MYO9A: variants seen among roughly 807,000 people sequenced by gnomAD.
The protein encoded by MYO9A is unconventional myosin-IXa.
A neutral mutation model predicts 293.3 loss-of-function variants in MYO9A; 103 were observed. The ratio of observed to expected loss-of-function variants is 0.35; its 90% CI spans 0.30 to 0.41. The LOEUF (loss-of-function observed/expected upper bound fraction) is 0.41, where lower values mean the gene tolerates loss of function less well. MYO9A is among the 10% of genes least tolerant of loss of function. The pLI is 1.00. For missense variants in MYO9A, 2,685 were observed against 3,033.0 expected, an observed-to-expected ratio of 0.89 and a Z score of 2.69; for synonymous variants, 1,001 against 1,035.7, an observed-to-expected ratio of 0.97 and a Z score of 0.64.
intron 27 of MYO9A, among the ~76,000 whole-genome samples, chr15:71,886,210 AAAAAG>A (rs933001077): frequency 4.6e-5 from 7 of 151,164 alleles, no homozygotes; most frequent in Non-Finnish European, 7.4e-5. Context: ...AAAAAAAAAA[AAAAAG>A]AAAGAGGCTG....
chr15:71,826,807 G>T lies in MYO9A; in HGVS notation c.7420C>A (p.Pro2474Thr), dbSNP rs1387246525. The change falls in exon 42 of 42, where the codon CCA becomes ACA. Residue 2474 changes from proline (P) to threonine (T), a missense_variant. By Grantham distance (38) the Pro-to-Thr change is conservative (BLOSUM62 -1). Around this residue, in one of 10 missense-constraint regions of MYO9A, gnomAD observed 350 missense variants for 328.9 expected, o/e 1.06. Transcript: ENST00000356056. The stretch of plus-strand genomic sequence containing the variant: ...TCCAGGAATTTGGTCTGGCCCAATG[G>T]TCCTTCCATTCCCAGGGCCTCATTA... ...SGNEALGMEG[P>T]LGQTKFLEDK... 1.2e-6 allele frequency: 2 copies of T among 1,614,120 alleles called. No homozygotes were observed. Among genetic ancestry groups the T allele is most frequent in the South Asian group, 1.1e-5 (1 of 91,080 alleles).
At chr15:71,923,340 T>G (rs2058206884) in intron 18 of MYO9A, among the ~76,000 whole-genome samples, 1 of 152,204 alleles carries the variant, frequency 6.6e-6, no homozygotes, top group African/African-American at 2.4e-5. Flanking sequence ...TTTTCTTTTT[T>G]GTTGTGTTCT....
At chr15:71,849,939 A>G in intron 38 of MYO9A, 97 bp downstream of exon 38, 1 of 1,378,818 alleles carries the variant, frequency 7.3e-7, no homozygotes, top group South Asian at 1.3e-5. Context: ...AAACACCTGA[A>G]TTTATGAACC....
intron 1 of MYO9A, among the ~76,000 whole-genome samples, chr15:72,067,993 C>T (rs1326998653): frequency 1.3e-5 from 2 of 152,090 alleles, no homozygotes; most frequent in African/African-American, 4.8e-5. Context: ...AACTAAAAAC[C>T]TTAGAATTCT....
chr15:72,042,883 T>C (rs1365999916), intron 2 of MYO9A, among the ~76,000 whole-genome samples: 5 of 151,644 alleles, frequency 3.3e-5, no homozygotes, highest in African/African-American at 7.3e-5. Context: ...CTAGGCAACA[T>C]AGTGAGACCT....
chr15:72,106,060 A>G (rs1251314239), intron 1 of MYO9A, among the ~76,000 whole-genome samples: 2 of 152,248 alleles, frequency 1.3e-5, no homozygotes, highest in East Asian at 3.8e-4. Flanking sequence ...TACCTTTAGC[A>G]TATGAAAAGA....
chr15:71,960,275 G>C (rs1040803636), intron 13 of MYO9A, 179 bp from the exon 14 acceptor site: 8 of 599,826 alleles, frequency 1.3e-5, no homozygotes, highest in Non-Finnish European at 2.4e-5. Flanking sequence ...GATCCCTCAT[G>C]AATGGATTGG....
chr15:71,872,792 A>G (rs2056556723), intron 32 of MYO9A, among the ~76,000 whole-genome samples: 1 of 152,192 alleles, frequency 6.6e-6, no homozygotes, highest in Admixed American at 6.5e-5. Context: ...GTGAGTACAG[A>G]TATTAAAATT....
chr15:71,879,870 TC>T, intron 29 of MYO9A, 33 bp from the exon 30 acceptor site: 2 of 1,379,770 alleles, frequency 1.4e-6, no homozygotes, highest in Non-Finnish European at 2.1e-6. Context: ...TAGTACACAA[TC>T]AACTAATTGA....
intron 2 of MYO9A, among the ~76,000 whole-genome samples, chr15:72,042,283 G>C (rs1343056658): frequency 6.7e-6 from 1 of 149,984 alleles, no homozygotes; most frequent in Non-Finnish European, 1.5e-5. Context: ...GAGAACCATT[G>C]AAGCCCAGGA....
chr15:72,077,671 A>G (rs1042354073), intron 1 of MYO9A, among the ~76,000 whole-genome samples: 1 of 148,498 alleles, frequency 6.7e-6, no homozygotes, highest in Non-Finnish European at 1.5e-5. Context: ...CAGAGGTTGC[A>G]GTGAGCCAAG....
intron 1 of MYO9A, among the ~76,000 whole-genome samples, chr15:72,071,627 G>A (rs543016247): frequency 2.6e-5 from 4 of 152,036 alleles, no homozygotes; most frequent in African/African-American, 7.2e-5. Context: ...TGTAATCCCC[G>A]GTTACAGAGG....
chr15:72,092,910 TACACAC>T lies in MYO9A; in HGVS notation c.-72+24764_-72+24769del, dbSNP rs59999448. Among the ~76,000 whole-genome samples the T allele has an allele frequency of 3.4e-4, 48 of 141,998 alleles. 1 individual carries two copies. Among genetic ancestry groups the T allele is most frequent in the South Asian group, 1.1e-3 (5 of 4,396 alleles). 93.2% of individuals were successfully genotyped at this position (141,998 alleles called of 152,430 possible). A position where few individuals can be genotyped will look rare whatever the true frequency, so the allele number is the denominator to read the frequency against. On this transcript the variant is annotated intron_variant, in intron 1 of 41. Coordinates refer to ENST00000356056, the MANE Select transcript of MYO9A (RefSeq NM_006901.4). Reference sequence around the variant, plus strand: ...CCACCACTTCAGCCACCACCTTACTTACACACACACACACACACACACACACACACA... The same window carrying T: ...CCACCACTTCAGCCACCACCTTACTTACACACACACACACACACACACACA...
intron 16 of MYO9A, 28 bp downstream of exon 16, chr15:71,938,824 C>T (rs1366174887): frequency 1.0e-5 from 16 of 1,554,640 alleles, no homozygotes; most frequent in Non-Finnish European, 1.4e-5. Flanking sequence ...TCTATACGTC[C>T]TTGAAAACAT....
At position 71,897,995 on chromosome 15, in the gene MYO9A, T is replaced by A; in HGVS notation, c.4508A>T (p.Gln1503Leu). The change falls in exon 25 of 42, where the codon CAG becomes CTG. Residue 1503 changes from glutamine to leucine, a missense_variant. By Grantham distance (113) the Gln-to-Leu change is moderately radical (BLOSUM62 -2). Coordinates refer to ENST00000356056, the MANE Select transcript of MYO9A (RefSeq NM_006901.4). ...CTCTTTTTCATTCTGTTGCTGCAAC[T>A]GTTTTTGCCTTTCTTCCTTCTCAGT... ...LNTEKEERQK[Q>L]LQQQNEKEMM... is the part of the protein sequence containing the mutation. 1.9e-6 allele frequency: 3 copies of A among 1,614,188 alleles called. No individual in the cohort carries two copies. The highest frequency in any genetic ancestry group is 2.5e-6 in the Non-Finnish European group (3 of 1,180,044).
chr15:71,998,253 A>C (rs2076756626), intron 9 of MYO9A, among the ~76,000 whole-genome samples: 1 of 152,176 alleles, frequency 6.6e-6, no homozygotes, highest in African/African-American at 2.4e-5. Flanking sequence ...CTCACTTCTA[A>C]GTGGAAACTA....
chr15:72,066,618 T>TA (rs932539088), intron 1 of MYO9A, among the ~76,000 whole-genome samples: 1 of 152,146 alleles, frequency 6.6e-6, no homozygotes, highest in Non-Finnish European at 1.5e-5. Context: ...ATGGTTTCCT[T>TA]AGCGGAGAGG....
rs2140354593 is a variant in MYO9A at position 71,824,632 on chromosome 15, A to C, written c.*1948T>G. Reference sequence around the variant, plus strand: ...CCTCTATCCTCTAGGAGATTCTCTGAAATTCAGATTTTTAAAAGCTTAACA... The same window carrying C: ...CCTCTATCCTCTAGGAGATTCTCTGCAATTCAGATTTTTAAAAGCTTAACA... On this transcript the variant is annotated 3_prime_UTR_variant, in exon 42 of 42. Transcript: ENST00000356056. 6.6e-6 allele frequency: 1 copy of C among 152,346 alleles called. No individual in the cohort carries two copies. Among genetic ancestry groups the C allele is most frequent in the African/African-American group, 2.4e-5 (1 of 41,572 alleles). 9.4% of individuals were successfully genotyped at this position (152,346 alleles called of 1,614,324 possible).
chr15:71,921,155 G>A (rs962610744), intron 18 of MYO9A, among the ~76,000 whole-genome samples: 2 of 152,192 alleles, frequency 1.3e-5, no homozygotes, highest in African/African-American at 4.8e-5. Context: ...ACAGTTTCAA[G>A]TTAGGAGGGA....
Sources: allele counts gnomAD v4.1 joint callset (sites outside exome capture counted in the v4.1 genomes callset), GRCh38; gene constraint gnomAD v4.1.1; regional missense constraint gnomAD v4.1.1; transcripts MANE v1.5; gene names NCBI Gene and HGNC (gene_info 2026-07-23, HGNC 2026-07-21).